The following GTF3C3 variants were observed in gnomAD, a reference collection of about 807,000 sequenced individuals.
GTF3C3 encodes general transcription factor 3C polypeptide 3.
Under a neutral mutation model 105.2 loss-of-function variants are expected in GTF3C3, and 75 were observed. The ratio of observed to expected loss-of-function variants is 0.71; its 90% CI spans 0.59 to 0.86. GTF3C3 has a LOEUF of 0.86. Among genes scored for constraint, GTF3C3 ranks in the 40% least tolerant of loss-of-function variants. GTF3C3 has a pLI of 0.00. For synonymous variants in GTF3C3, 335 were observed against 370.4 expected (o/e 0.90, Z 1.10); for missense variants, 856 against 1,076.5 (o/e 0.80, Z 2.87).
At chr2:196,767,428 TTAAG>T (rs1406325323) in intron 16 of GTF3C3, among the ~76,000 whole-genome samples, 51 of 152,202 alleles carry the variant, frequency 3.4e-4, no homozygotes, top group Non-Finnish European at 6.6e-4. Context: ...TGAGTCCTAA[TTAAG>T]TAATCAAATA....
rs2125735664 is a variant in GTF3C3 at position 196,764,093 on chromosome 2, T to TTAAA, written c.*466_*469dup. 6.6e-6 allele frequency: 1 copy of TTAAA among 152,404 alleles called. No individual in the cohort carries two copies. The highest frequency in any genetic ancestry group is 2.1e-4 in the South Asian group (1 of 4,824). The allele number at this position is 152,404 out of a possible 1,614,324, so 9.4% of individuals were successfully genotyped here. ...TCTTTCTGCCTACCACATAACTATT[T>TTAAA]TAAATAATTTTCTTAGGTGCTTAGT... On this transcript the variant is annotated 3_prime_UTR_variant, in exon 18 of 18. Coordinates refer to ENST00000263956, the MANE Select transcript of GTF3C3 (RefSeq NM_012086.5).
intron 2 of GTF3C3, among the ~76,000 whole-genome samples, chr2:196,795,357 G>A (rs527901408): frequency 1.2e-4 from 18 of 152,284 alleles, no homozygotes; most frequent in Non-Finnish European, 2.1e-4. Flanking sequence ...AAACTCTTAC[G>A]CATACTCACT....
chr2:196,770,105 T>C (rs1345751039), intron 15 of GTF3C3, 66 bp from the exon 16 acceptor site: 1 of 1,370,146 alleles, frequency 7.3e-7, no homozygotes, highest in African/African-American at 1.5e-5. Context: ...TTCAACACTT[T>C]TAAGGCCAAA....
intron 17 of GTF3C3, among the ~76,000 whole-genome samples, chr2:196,765,693 A>ATTTG (rs1457721086): frequency 1.3e-5 from 2 of 151,512 alleles, no homozygotes; most frequent in Admixed American, 6.6e-5. Context: ...ATATATATTC[A>ATTTG]TTTGTTTAAA....
chr2:196,776,213 T>A lies in GTF3C3; in HGVS notation c.1594-102A>T. 1.3e-6 allele frequency: 1 copy of A among 746,732 alleles called. No homozygotes were observed. Among genetic ancestry groups the A allele is most frequent in the Non-Finnish European group, 2.2e-6 (1 of 450,222 alleles). The allele number at this position is 746,732 out of a possible 1,614,324, so 46.3% of individuals were successfully genotyped here. On this transcript the variant is annotated intron_variant, in intron 11 of 17. Coordinates refer to ENST00000263956, the MANE Select transcript of GTF3C3 (RefSeq NM_012086.5). The surrounding 1 kb of genome is among the most constrained non-coding windows in gnomAD (Gnocchi z 4.5). ...TTTAAAAAAACAAACCATATTGCTT[T>A]ATGGTCTTTCACAATAATTAAGAGC...
chr2:196,768,098 A>G (rs1487668468), intron 16 of GTF3C3, among the ~76,000 whole-genome samples: 1 of 151,922 alleles, frequency 6.6e-6, no homozygotes, highest in Non-Finnish European at 1.5e-5. Flanking sequence ...GCTCATTGCA[A>G]CCTCCACCTC....
In GTF3C3 at chr2:196,773,131, G is replaced by A. The variant is rs146213213; in HGVS notation, c.1854C>T (p.Ser618=). ...DAKAIFAVLT[S]VLTKDDWWNL... ...TCCACCAGTCATCCTTTGTCAAGAC[G>A]CTTGTGAGCACAGCAAATATTGCTA... is the stretch of plus-strand genomic sequence containing the variant. The change falls in exon 14 of 18, where the codon AGC becomes AGT. Residue 618 remains serine (S), a synonymous_variant. Transcript: ENST00000263956. 261 of 1,604,948 alleles carry A rather than the reference G, an allele frequency of 1.6e-4. No individual in the cohort carries two copies. The East Asian group carries it at 3.9e-3, about 24-fold the overall frequency.
chr2:196,789,303 C>G lies in GTF3C3; in HGVS notation c.794G>C (p.Gly265Ala). 6.2e-7 allele frequency: 1 copy of G among 1,612,162 alleles called. No individual in the cohort carries two copies. The stretch of plus-strand genomic sequence containing the variant: ...ACCATCCATGGCCATTTTATGATCA[C>G]CCATCTGTTCATAAAGGCTTGATCG... ...WERSSLYEQMGDHKMAMDGYR... is the reference protein window; with the variant it reads ...WERSSLYEQMADHKMAMDGYR... Residue 265 changes from glycine (G) to alanine (A), a missense_variant, in exon 6 of 18, where the codon GGT becomes GCT. Physicochemically the swap from Gly to Ala is moderately conservative, Grantham distance 60 (BLOSUM62 0). Around this residue, in one of 3 missense-constraint regions of GTF3C3, gnomAD observed 605 missense variants for 833.6 expected, o/e 0.73. Transcript: ENST00000263956.
At position 196,789,901 on chromosome 2, in the gene GTF3C3, CT is replaced by C; in HGVS notation, c.704del (p.Gln235ArgfsTer44). 6.3e-7 allele frequency: 1 copy of C among 1,578,874 alleles called. No homozygotes were observed. The highest frequency in any genetic ancestry group is 8.6e-7 in the Non-Finnish European group (1 of 1,168,800). ...EMSLEQDNIKQAIFCYTKALK... is the reference protein window; with the variant it reads ...EMSLEQDNIKXAIFCYTKALK... Reference sequence around the variant, plus strand: ...TACCTTTTGTATAGCAAAAAATAGCCTGCTTAATATTGTCTTGTTCCAGAGA... The same window carrying C: ...TACCTTTTGTATAGCAAAAAATAGCCGCTTAATATTGTCTTGTTCCAGAGA... On this transcript the variant is annotated frameshift_variant, in exon 5 of 18. Coordinates refer to ENST00000263956, the MANE Select transcript of GTF3C3 (RefSeq NM_012086.5). LOFTEE classifies it high-confidence loss of function.
intron 2 of GTF3C3, among the ~76,000 whole-genome samples, chr2:196,793,785 A>G (rs1259286712): frequency 2.0e-5 from 3 of 152,232 alleles, no homozygotes; most frequent in African/African-American, 7.2e-5. Flanking sequence ...CAGGAAAAAA[A>G]TAACATGACA....
intron 2 of GTF3C3, among the ~76,000 whole-genome samples, chr2:196,793,623 C>A (rs1321018468): frequency 6.6e-6 from 1 of 151,972 alleles, no homozygotes; most frequent in Non-Finnish European, 1.5e-5. Context: ...ACATCAGTTT[C>A]TTTTTGCAAA....
chr2:196,779,395 A>G (rs1307740116), intron 9 of GTF3C3, among the ~76,000 whole-genome samples: 1 of 152,014 alleles, frequency 6.6e-6, no homozygotes, highest in African/African-American at 2.4e-5. Flanking sequence ...CCCAAAGTCT[A>G]TAGCTCTCTT....
chr2:196,772,930 T>C lies in GTF3C3; in HGVS notation c.2055A>G (p.Ala685=). Residue 685 remains alanine (A), a synonymous_variant, in exon 14 of 18, where the codon GCA becomes GCG. Coordinates refer to ENST00000263956, the MANE Select transcript of GTF3C3 (RefSeq NM_012086.5). ...AAILDKNFRK[A]YNYIRIMVME... ...TGGGAAATCACCTGATATAGTTGTA[T>C]GCCTTTCTGAAATTTTTGTCCAGAA... 2 of 1,531,170 alleles carry C rather than the reference T, an allele frequency of 1.3e-6. No homozygotes were observed. Among genetic ancestry groups the C allele is most frequent in the Non-Finnish European group, 1.8e-6 (2 of 1,123,442 alleles). The allele number at this position is 1,531,170 out of a possible 1,614,324, so 94.8% of individuals were successfully genotyped here.
chr2:196,777,325 T>G (rs1441600108), intron 10 of GTF3C3, among the ~76,000 whole-genome samples: 1 of 152,148 alleles, frequency 6.6e-6, no homozygotes, highest in Non-Finnish European at 1.5e-5. Flanking sequence ...TGATCCCCAA[T>G]AGAAACTACC....
Position 196,771,731 on chromosome 2 carries a change from C to G in GTF3C3, c.2260+17G>C. On this transcript the variant is annotated intron_variant, in intron 15 of 17. Coordinates refer to ENST00000263956, the MANE Select transcript of GTF3C3 (RefSeq NM_012086.5). ...ACACTATTTATGCTTGACAAAGTCA[C>G]GTGCCAGGACACTTACCAAGCGCAT... The G allele has an allele frequency of 6.4e-7, 1 of 1,572,918 alleles. No homozygotes were observed. The highest frequency in any genetic ancestry group is 8.8e-7 in the Non-Finnish European group (1 of 1,142,574).
In GTF3C3 at chr2:196,799,671, C is replaced by A; in HGVS notation, c.-60G>T. On this transcript the variant is annotated 5_prime_UTR_variant, in exon 1 of 18. Transcript: ENST00000263956. Reference sequence around the variant, plus strand: ...GGGACAGAGAACCGGAAGAGCAGCGCCTTCCAGAAGCTACCTCGCCGGGGC... The same window carrying A: ...GGGACAGAGAACCGGAAGAGCAGCGACTTCCAGAAGCTACCTCGCCGGGGC... 1.6e-6 allele frequency: 2 copies of A among 1,259,872 alleles called. No homozygotes were observed. Among genetic ancestry groups the A allele is most frequent in the Non-Finnish European group, 2.3e-6 (2 of 861,220 alleles). 78.0% of individuals were successfully genotyped at this position (1,259,872 alleles called of 1,614,324 possible).
At chr2:196,777,317 A>T (rs1699275614) in intron 10 of GTF3C3, among the ~76,000 whole-genome samples, 1 of 152,046 alleles carries the variant, frequency 6.6e-6, no homozygotes, top group African/African-American at 2.4e-5. Flanking sequence ...AAGTTTTGTG[A>T]TCCCCAATAG....
At chr2:196,768,405 G>A (rs1035391275) in intron 16 of GTF3C3, among the ~76,000 whole-genome samples, 3 of 152,002 alleles carry the variant, frequency 2.0e-5, no homozygotes, top group East Asian at 3.8e-4. Flanking sequence ...AATCACTAAA[G>A]GGCCCAATGT....
chr2:196,781,357 A>AAAAAAATAT, intron 8 of GTF3C3, among the ~76,000 whole-genome samples: 4 of 18,800 alleles, frequency 2.1e-4, no homozygotes, highest in Non-Finnish European at 4.5e-4. Flanking sequence ...AAAAAAAAAA[A>AAAAAAATAT]ATATATATAT....
Sources: gnomAD v4.1 joint callset for allele counts (sites outside exome capture counted in the v4.1 genomes callset) on GRCh38, gnomAD v4.1.1 for gene constraint, gnomAD v4.1.1 regional missense constraint, Gnocchi (gnomAD v3.1) non-coding constraint, MANE v1.5 for transcripts, NCBI Gene and HGNC (gene_info 2026-07-23, HGNC 2026-07-21) for gene names.